The following BMS1 variants were observed in gnomAD, a reference collection of about 807,000 sequenced individuals.
The protein encoded by BMS1 is ribosome biogenesis protein BMS1 homolog.
BMS1 carries 53 observed loss-of-function variants against 138.7 expected under a neutral mutation model. The ratio of observed to expected loss-of-function variants is 0.38; its 90% CI spans 0.31 to 0.48. The LOEUF is 0.48. Among genes scored for constraint, BMS1 ranks in the 20% least tolerant of loss-of-function variants. The probability of loss-of-function intolerance (pLI) is 0.97; values close to 1 mark genes in which losing one functional copy is unlikely to be tolerated. For missense variants in BMS1, 1,360 were observed against 1,565.5 expected, an observed-to-expected ratio of 0.87 and a Z score of 2.22; for synonymous variants, 504 against 539.9, an observed-to-expected ratio of 0.93 and a Z score of 0.92.
intron 13 of BMS1, among the ~76,000 whole-genome samples, chr10:42,816,280 C>A (rs1025893197): frequency 1.4e-4 from 21 of 152,096 alleles, no homozygotes; most frequent in African/African-American, 5.1e-4. Flanking sequence ...GCTTGGGTGA[C>A]AGAGTGAGAC....
chr10:42,813,467 C>T (rs977503943), intron 13 of BMS1, among the ~76,000 whole-genome samples: 2 of 152,134 alleles, frequency 1.3e-5, no homozygotes, highest in Admixed American at 6.5e-5. Flanking sequence ...TAGTAGTCTA[C>T]TGGTACCAGT....
At chr10:42,798,344 C>T (rs1589139117) in intron 11 of BMS1, 124 bp from the exon 12 acceptor site, 2 of 1,201,886 alleles carry the variant, frequency 1.7e-6, no homozygotes, top group East Asian at 4.9e-5. Flanking sequence ...CATTGCCATA[C>T]CCACCACAGA....
rs139571775 is a variant in BMS1, at chr10:42,833,919, G to A, written c.*2823G>A. 4 of 152,316 alleles carry A rather than the reference G, an allele frequency of 2.6e-5. No homozygotes were observed. In the East Asian group the frequency reaches 5.8e-4, roughly 22 times the overall value. The allele number at this position is 152,316 out of a possible 1,614,324, so 9.4% of individuals were successfully genotyped here. A position where few individuals can be genotyped will look rare whatever the true frequency, so the allele number is the denominator to read the frequency against. On this transcript the variant is annotated 3_prime_UTR_variant, in exon 23 of 23. Transcript: ENST00000374518. ...ACTTGGAGTAGAGCCACTGAGCTTC[G>A]TGCTGCATAAAATTGCTTGGAAGAA...
chr10:42,797,036 T>C lies in BMS1; in HGVS notation c.1792T>C (p.Ser598Pro). ...FASEDESEES[S>P]SLSAEEEDSE... The stretch of plus-strand genomic sequence containing the variant: ...ATCTGAAGATGAATCTGAAGAAAGC[T>C]CCTCACTCAGTGCAGAGGAAGAAGA... The change falls in exon 10 of 23, where the codon TCC becomes CCC. Residue 598 changes from serine to proline, a missense_variant. This residue lies in a region of BMS1 where 697 missense variants were observed against 686.2 expected (regional missense o/e 1.02). Transcript: ENST00000374518. 1.2e-6 allele frequency: 2 copies of C among 1,614,100 alleles called. No homozygotes were observed. Among genetic ancestry groups the C allele is most frequent in the Non-Finnish European group, 1.7e-6 (2 of 1,179,976 alleles).
chr10:42,806,177 A>G (rs565446883), intron 13 of BMS1, among the ~76,000 whole-genome samples: 3 of 152,208 alleles, frequency 2.0e-5, no homozygotes, highest in African/African-American at 2.4e-5. Context: ...TGGGCTTCCA[A>G]TTCTGCTTTG....
At chr10:42,820,053 A>G (rs1395374387) in intron 15 of BMS1, 183 bp from the exon 16 acceptor site, 1 of 300,614 alleles carries the variant, frequency 3.3e-6, no homozygotes, top group Non-Finnish European at 4.9e-6. Flanking sequence ...CGGCCTCCCA[A>G]AGTGCTGGGA....
chr10:42,817,540 T>C (rs551605480), intron 15 of BMS1, 46 bp downstream of exon 15: 62 of 1,551,976 alleles, frequency 4.0e-5, no homozygotes, highest in East Asian at 3.6e-4. Context: ...GACTATCATA[T>C]AGCGCAGGAA....
At chr10:42,809,461 A>T (rs938446368) in intron 13 of BMS1, among the ~76,000 whole-genome samples, 1 of 150,782 alleles carries the variant, frequency 6.6e-6, no homozygotes, top group Admixed American at 6.6e-5. Flanking sequence ...GGGTCTCACT[A>T]TGTTGCTCAG....
chr10:42,800,649 C>T (rs1564417294), intron 12 of BMS1, among the ~76,000 whole-genome samples: 3 of 151,698 alleles, frequency 2.0e-5, no homozygotes, highest in South Asian at 4.2e-4. Context: ...GCCTCAGCCT[C>T]CCGAGTAGCT....
At chr10:42,811,244 T>C (rs1464596847) in intron 13 of BMS1, among the ~76,000 whole-genome samples, 7 of 152,124 alleles carry the variant, frequency 4.6e-5, no homozygotes, top group Non-Finnish European at 1.0e-4. Context: ...GGTTTCTCCC[T>C]GTTGGTCAGG....
rs1174478344 is a variant in BMS1, at chr10:42,802,209, G to A, written c.2320G>A (p.Ala774Thr). The A allele has an allele frequency of 4.3e-6, 7 of 1,613,256 alleles. No individual in the cohort carries two copies. The highest frequency in any genetic ancestry group is 5.9e-6 in the Non-Finnish European group (7 of 1,179,500). Residue 774 changes from alanine to threonine, a missense_variant, in exon 13 of 23, where the codon GCA (alanine) becomes ACA (threonine). Transcript: ENST00000374518. ...TGATAAAGATGCAGCCAAGGTCTTA[G>A]CAGAAGATGGTAAGTAAAGAGCTGG... ...EDDKDAAKVL[A>T]EDEELYGDFE...
intron 21 of BMS1, among the ~76,000 whole-genome samples, chr10:42,828,242 T>C (rs1842709586): frequency 6.6e-6 from 1 of 152,254 alleles, no homozygotes; most frequent in Non-Finnish European, 1.5e-5. Flanking sequence ...CTGGCTTCTT[T>C]GGTTGAGTAT....
chr10:42,830,899 C>T lies in BMS1; in HGVS notation c.3652C>T (p.His1218Tyr), dbSNP rs759764376. Residue 1218 changes from histidine to tyrosine, a missense_variant, in exon 23 of 23, where the codon CAT becomes TAT. This residue lies in a region of BMS1 where 425 missense variants were observed against 568.3 expected (regional missense o/e 0.75). Transcript: ENST00000374518. ...ACTGCTGGATGCTCTGAGTACGGTG[C>T]ATAGTCAGAAGATGAAGAAGGCCAA... ...LALLDALSTV[H>Y]SQKMKKAKEQ... 6.8e-5 allele frequency: 109 copies of T among 1,612,100 alleles called. No individual in the cohort carries two copies. Among genetic ancestry groups the T allele is most frequent in the Non-Finnish European group, 8.4e-5 (99 of 1,179,308 alleles).
At chr10:42,792,872 G>A in intron 7 of BMS1, 85 bp from the exon 8 acceptor site, 10 of 1,457,240 alleles carry the variant, frequency 6.9e-6, no homozygotes, top group Non-Finnish European at 7.4e-6. Context: ...CCCTTGGACT[G>A]TGGATCATAT....
rs555586289 is a variant in BMS1 at position 42,796,923 on chromosome 10, G to A, written c.1679G>A (p.Arg560His). The A allele has an allele frequency of 6.2e-4, 993 of 1,614,210 alleles. 17 individuals are homozygous for A. In the South Asian group the frequency reaches 0.01, roughly 16 times the overall value. Reference protein sequence around the residue: ...GLSPANCQSDRVNLEKSLLMK... With the variant: ...GLSPANCQSDHVNLEKSLLMK... ...TCACCAGCTAATTGCCAGAGTGACC[G>A]TGTGAATCTGGAGAAGTCTTTGCTG... Residue 560 changes from arginine (R) to histidine (H), a missense_variant, in exon 10 of 23, where the codon CGT (arginine) becomes CAT (histidine). By Grantham distance (29) the Arg-to-His change is conservative. Around this residue, in one of 3 missense-constraint regions of BMS1, gnomAD observed 697 missense variants for 686.2 expected, o/e 1.02. Transcript: ENST00000374518.
rs34272995 is a variant in BMS1 at position 42,821,542 on chromosome 10, CTT to C, written c.3010-493_3010-492del. ...ACTCTCAGGAAAGTACTCAAGGCGC[CTT>C]TTTTTTTTTTTTTTTTTTTTTTTTT... On this transcript the variant is annotated intron_variant, in intron 18 of 22. Coordinates refer to ENST00000374518, the MANE Select transcript of BMS1 (RefSeq NM_014753.4). Among the ~76,000 whole-genome samples, 318 of 68,594 alleles carry C rather than the reference CTT, an allele frequency of 4.6e-3. 8 individuals carry two copies. The highest frequency in any genetic ancestry group is 6.5e-3 in the Non-Finnish European group (250 of 38,320). The allele number at this position is 68,594 out of a possible 152,430, so 45.0% of individuals were successfully genotyped here. A position where few individuals can be genotyped will look rare whatever the true frequency, so the allele number is the denominator to read the frequency against.
chr10:42,796,989 G>C lies in BMS1; in HGVS notation c.1745G>C (p.Cys582Ser). 6.2e-7 allele frequency: 1 copy of C among 1,614,208 alleles called. No individual in the cohort carries two copies. Among genetic ancestry groups the C allele is most frequent in the Non-Finnish European group, 8.5e-7 (1 of 1,180,040 alleles). Residue 582 changes from cysteine (C) to serine (S), a missense_variant, in exon 10 of 23, where the codon TGC becomes TCC. Cys to Ser is a moderately radical substitution (Grantham distance 112). Coordinates refer to ENST00000374518, the MANE Select transcript of BMS1 (RefSeq NM_014753.4). ...AALPTFDSGHCTAEEVFASED... is the reference protein window; with the variant it reads ...AALPTFDSGHSTAEEVFASED... ...CTCCCCACTTTCGATTCTGGGCATT[G>C]CACAGCTGAAGAGGTGTTTGCATCT...
intron 2 of BMS1, 143 bp downstream of exon 2, chr10:42,784,713 C>G (rs558127236): frequency 1.0e-6 from 1 of 967,906 alleles, no homozygotes; most frequent in Non-Finnish European, 1.4e-6. Context: ...TTCACTAAAA[C>G]GTGAGAAGCT....
rs762323398 is a variant in BMS1 at position 42,791,632 on chromosome 10, C to T, written c.642C>T (p.Ala214=). ...AATTTTCCTCTAATGTTTAGGGTGC[C>T]AAGCTGTTCTACCTTTCTGGAATGG... The part of the protein sequence containing the change: ...HRFWTEVYPG[A]KLFYLSGMVH... The change falls in exon 6 of 23, where the codon GCC becomes GCT. Residue 214 remains alanine (A), a synonymous_variant. Coordinates refer to ENST00000374518, the MANE Select transcript of BMS1 (RefSeq NM_014753.4). 8.7e-6 allele frequency: 14 copies of T among 1,602,068 alleles called. No individual in the cohort carries two copies. The highest frequency in any genetic ancestry group is 1.2e-5 in the Non-Finnish European group (14 of 1,176,780).
Sources: gnomAD v4.1 joint callset for allele counts (sites outside exome capture counted in the v4.1 genomes callset) on GRCh38, gnomAD v4.1.1 for gene constraint, gnomAD v4.1.1 regional missense constraint, MANE v1.5 for transcripts, NCBI Gene and HGNC (gene_info 2026-07-23, HGNC 2026-07-21) for gene names.